VDAC2: variants seen among roughly 807,000 people sequenced by gnomAD.
VDAC2 encodes non-selective voltage-gated ion channel VDAC2.
Under a neutral mutation model 36.6 loss-of-function variants are expected in VDAC2, and 6 were observed. The observed-to-expected ratio is 0.16, with a 90% confidence interval of 0.09 to 0.32. VDAC2 has a LOEUF of 0.32. Ranked by LOEUF, VDAC2 falls within the 10% of genes least tolerant of loss-of-function variation. VDAC2 has a pLI of 1.00. For missense variants in VDAC2, 247 were observed against 346.0 expected (o/e 0.71, Z 2.27); for synonymous variants, 109 against 123.8 (o/e 0.88, Z 0.79).
At chr10:75,213,174 G>A (rs369566503) in intron 3 of VDAC2, among the ~76,000 whole-genome samples, 1 of 152,148 alleles carries the variant, frequency 6.6e-6, no homozygotes, top group East Asian at 1.9e-4. Flanking sequence ...TGCCTCCTGG[G>A]TTCCAGCAAT....
chr10:75,211,422 T>C (rs1841416462), intron 2 of VDAC2: 1 of 1,463,702 alleles, frequency 6.8e-7, no homozygotes. Flanking sequence ...TTTCAGCCTT[T>C]GTACATGTCT....
At chr10:75,217,695 T>C (rs1841649325) in intron 4 of VDAC2, among the ~76,000 whole-genome samples, 1 of 152,138 alleles carries the variant, frequency 6.6e-6, no homozygotes, top group Non-Finnish European at 1.5e-5. Flanking sequence ...TGCTTTTTAG[T>C]ATAGGTATTG....
chr10:75,216,217 A>G (rs1203079931), intron 4 of VDAC2, among the ~76,000 whole-genome samples: 1 of 152,324 alleles, frequency 6.6e-6, no homozygotes, highest in East Asian at 1.9e-4. Flanking sequence ...ATTTGTTGAA[A>G]CACAAAAGGC....
At chr10:75,217,911 C>A (rs1297248742) in intron 4 of VDAC2, 1 of 1,287,698 alleles carries the variant, frequency 7.8e-7, no homozygotes, top group African/African-American at 1.5e-5. Context: ...TGGCTGTAGT[C>A]TCTTTATTAT....
At chr10:75,212,144 A>G (rs986613135) in intron 2 of VDAC2, 86 bp from the exon 3 acceptor site, 37 of 1,184,462 alleles carry the variant, frequency 3.1e-5, no homozygotes, top group Admixed American at 4.4e-5. Flanking sequence ...CTTGAATTTT[A>G]ATATCAGCAG....
intron 6 of VDAC2, 21 bp downstream of exon 6, chr10:75,219,377 C>G (rs781731411): frequency 6.4e-7 from 1 of 1,563,574 alleles, no homozygotes; most frequent in Non-Finnish European, 8.7e-7. Context: ...ACATTTTTAT[C>G]TGTATTACAT....
chr10:75,230,131 C>CT (rs764783648), intron 9 of VDAC2, among the ~76,000 whole-genome samples: 10 of 152,272 alleles, frequency 6.6e-5, no homozygotes, highest in Non-Finnish European at 1.3e-4. Context: ...CGTGCTGTGT[C>CT]TAGAACAGCG....
intron 8 of VDAC2, among the ~76,000 whole-genome samples, chr10:75,226,717 C>T (rs1377466229): frequency 6.6e-6 from 1 of 152,152 alleles, no homozygotes; most frequent in African/African-American, 2.4e-5. Flanking sequence ...CTTGCCTTGG[C>T]TCCCAAAGTG....
chr10:75,211,413 T>C, intron 2 of VDAC2: 1 of 1,456,198 alleles, frequency 6.9e-7, no homozygotes, highest in Non-Finnish European at 9.1e-7. Flanking sequence ...GCATGGACTT[T>C]TCAGCCTTTG....
chr10:75,217,838 A>T, intron 4 of VDAC2: 1 of 1,113,074 alleles, frequency 9.0e-7, no homozygotes, highest in Non-Finnish European at 1.2e-6. Flanking sequence ...GAGAAGGTTG[A>T]CTGGCCTTTC....
chr10:75,224,811 C>T (rs1841909010), intron 8 of VDAC2, among the ~76,000 whole-genome samples: 1 of 151,960 alleles, frequency 6.6e-6, no homozygotes, highest in African/African-American at 2.4e-5. Flanking sequence ...TGTATTTTGC[C>T]CAGTTTGGAG....
intron 1 of VDAC2, 43 bp downstream of exon 1, chr10:75,210,981 G>A (rs933473144): frequency 4.8e-6 from 3 of 630,234 alleles, no homozygotes; most frequent in Non-Finnish European, 7.5e-6. Flanking sequence ...GGCCTAGGCC[G>A]CGGCGGCCAA....
In VDAC2 at chr10:75,223,024, G is replaced by A. The variant is rs201784443; in HGVS notation, c.735+622G>A. 8.8e-5 allele frequency among the ~76,000 whole-genome samples: 13 copies of A among 147,766 alleles called. No homozygotes were observed. In the East Asian group the frequency reaches 1.7e-3, roughly 19 times the overall value. ...TTTTGAGATGGAGTCTCTGTCGCCC[G>A]GGCTGGGGTGCAGTAGTGCGATCTT... is the stretch of plus-strand genomic sequence containing the variant. On this transcript the variant is annotated intron_variant, in intron 8 of 9. Transcript: ENST00000332211.
At chr10:75,213,052 A>G (rs1195900954) in intron 3 of VDAC2, among the ~76,000 whole-genome samples, 1 of 152,030 alleles carries the variant, frequency 6.6e-6, no homozygotes, top group Non-Finnish European at 1.5e-5. Context: ...TAAATGTCCT[A>G]AATGTCTGTA....
intron 8 of VDAC2, among the ~76,000 whole-genome samples, chr10:75,226,262 G>A (rs1841948882): frequency 6.6e-6 from 1 of 152,022 alleles, no homozygotes; most frequent in Non-Finnish European, 1.5e-5. Context: ...TGAAACCAGG[G>A]GGTGGCCTAT....
chr10:75,227,465 G>A (rs1369639896), intron 8 of VDAC2, among the ~76,000 whole-genome samples: 1 of 152,008 alleles, frequency 6.6e-6, no homozygotes, highest in African/African-American at 2.4e-5. Flanking sequence ...TTTGCTTGAT[G>A]TGTGGGAAAT....
Position 75,212,729 on chromosome 10 carries a change from CTTAGA to C in VDAC2, c.100+435_100+439del, listed in dbSNP as rs1164467788. Among the ~76,000 whole-genome samples, 4 of 152,264 alleles carry C rather than the reference CTTAGA, an allele frequency of 2.6e-5. No homozygotes were observed. In the East Asian group the frequency reaches 5.8e-4, roughly 22 times the overall value. ...ATTCTTCTATTAGAAACTTAAGATA[CTTAGA>C]TTAAACTTATGTGAAAATAGTTCTT... On this transcript the variant is annotated intron_variant, in intron 3 of 9. Coordinates refer to ENST00000332211, the MANE Select transcript of VDAC2 (RefSeq NM_001391963.1).
At chr10:75,213,796 A>T (rs1055216913) in intron 3 of VDAC2, among the ~76,000 whole-genome samples, 1 of 152,206 alleles carries the variant, frequency 6.6e-6, no homozygotes, top group Non-Finnish European at 1.5e-5. Flanking sequence ...TTGTGTACCA[A>T]CTACCAAAAA....
At chr10:75,219,644 C>G (rs1841741438) in intron 6 of VDAC2, among the ~76,000 whole-genome samples, 1 of 151,984 alleles carries the variant, frequency 6.6e-6, no homozygotes, top group Non-Finnish European at 1.5e-5. Context: ...GCCACCACGC[C>G]CAGCTAATTT....
Sources: allele counts gnomAD v4.1 joint callset (sites outside exome capture counted in the v4.1 genomes callset), GRCh38; gene constraint gnomAD v4.1.1; transcripts MANE v1.5; gene names NCBI Gene and HGNC (gene_info 2026-07-23, HGNC 2026-07-21).